Variants in SARAF observed in about 807,000 individuals in gnomAD.
The protein encoded by SARAF is store-operated calcium entry-associated regulatory factor.
SARAF carries 23 observed loss-of-function variants against 39.7 expected under a neutral mutation model. The observed-to-expected ratio is 0.58, with a 90% confidence interval of 0.42 to 0.82. The LOEUF (loss-of-function observed/expected upper bound fraction) is 0.82. Among genes scored for constraint, SARAF ranks in the 40% least tolerant of loss-of-function variants. The pLI, the probability that SARAF is intolerant of heterozygous loss-of-function variation, is 0.00. For missense variants in SARAF, 384 were observed against 418.5 expected (o/e 0.92, Z 0.72); for synonymous variants, 175 against 168.5 (o/e 1.04, Z -0.30).
In SARAF at chr8:30,069,987, A is replaced by G; in HGVS notation, c.355T>C (p.Ser119Pro). 1 of 1,613,912 alleles carries G rather than the reference A, an allele frequency of 6.2e-7. No homozygotes were observed. Among genetic ancestry groups the G allele is most frequent in the Non-Finnish European group, 8.5e-7 (1 of 1,179,994 alleles). Residue 119 changes from serine to proline, a missense_variant, in exon 3 of 6, where the codon TCC (serine) becomes CCC (proline). Ser to Pro is a moderately conservative substitution (Grantham distance 74). Transcript: ENST00000256255. ...KTVVSCEGYE[S>P]SEDQYVLRGS... ...CTTAGTACATACTGGTCTTCAGAGG[A>G]CTCATAGCCTTCACAGCTCACCACA...
At chr8:30,077,620 G>A (rs375977687) in intron 1 of SARAF, among the ~76,000 whole-genome samples, 54 of 151,966 alleles carry the variant, frequency 3.6e-4, no homozygotes, top group African/African-American at 9.7e-4. Context: ...TGGCGAACAC[G>A]GTGAAACCCC....
At chr8:30,064,016 T>C (rs1801615620) in intron 5 of SARAF, 103 bp from the exon 6 acceptor site, 4 of 1,050,470 alleles carry the variant, frequency 3.8e-6, no homozygotes, top group African/African-American at 1.6e-5. Context: ...ATGAATGAGA[T>C]AGGAGGAAAG....
At chr8:30,077,750 C>A (rs1306603916) in intron 1 of SARAF, among the ~76,000 whole-genome samples, 2 of 150,596 alleles carry the variant, frequency 1.3e-5, no homozygotes, top group African/African-American at 4.9e-5. Context: ...TGCAGTGAGC[C>A]AAGATTGTGC....
intron 5 of SARAF, among the ~76,000 whole-genome samples, chr8:30,064,367 A>G (rs1033089): frequency 0.98 from 148,561 of 151,632 alleles, 72,849 homozygotes; most frequent in Middle Eastern, 1. Context: ...AGGATGACAA[A>G]TCTTCCTATC....
intron 1 of SARAF, among the ~76,000 whole-genome samples, chr8:30,081,290 T>A (rs193126989): frequency 2.0e-5 from 3 of 152,356 alleles, no homozygotes; most frequent in South Asian, 4.1e-4. Flanking sequence ...TGGTTCATCT[T>A]TAATTTAAAT....
chr8:30,075,099 G>C (rs948664407), intron 1 of SARAF, among the ~76,000 whole-genome samples: 1 of 152,002 alleles, frequency 6.6e-6, no homozygotes, highest in African/African-American at 2.4e-5. Flanking sequence ...TCAGGAGTTC[G>C]AGACCAGCCT....
At chr8:30,069,002 C>A (rs1801760777) in intron 3 of SARAF, among the ~76,000 whole-genome samples, 1 of 151,806 alleles carries the variant, frequency 6.6e-6, no homozygotes. Context: ...ATTGTTTTAC[C>A]TTTTACGTTG....
At chr8:30,064,545 A>ATTTTTTTTT (rs1327312959) in intron 5 of SARAF, among the ~76,000 whole-genome samples, 1 of 32,970 alleles carries the variant, frequency 3.0e-5, no homozygotes, top group Non-Finnish European at 6.1e-5. Flanking sequence ...ATATATATAT[A>ATTTTTTTTT]TATATATATA....
At position 30,070,135 on chromosome 8, in the gene SARAF, C is replaced by T. The variant is rs1479972099; in HGVS notation, c.283-76G>A. 27 of 1,345,506 alleles carry T rather than the reference C, an allele frequency of 2.0e-5. No individual in the cohort carries two copies. The Admixed American group carries it at 2.6e-4, about 13-fold the overall frequency. The allele number at this position is 1,345,506 out of a possible 1,614,324, so 83.3% of individuals were successfully genotyped here. A position where few individuals can be genotyped will look rare whatever the true frequency, so the allele number is the denominator to read the frequency against. ...TAATATATGTTACTTGGGGGCCGGG[C>T]GCAGTGGCTCACACCTGTAATCTCA... On this transcript the variant is annotated intron_variant, in intron 2 of 5. Transcript: ENST00000256255.
At chr8:30,082,511 G>A (rs1480669490) in intron 1 of SARAF, 3 of 231,108 alleles carry the variant, frequency 1.3e-5, no homozygotes, top group Non-Finnish European at 2.6e-5. Flanking sequence ...TAACAACAAA[G>A]CAGATGCGCA....
Position 30,083,064 on chromosome 8 carries a change from G to C in SARAF, c.-115C>G, listed in dbSNP as rs1405889971. On this transcript the variant is annotated 5_prime_UTR_variant, in exon 1 of 6. Coordinates refer to ENST00000256255, the MANE Select transcript of SARAF (RefSeq NM_016127.6). ...CTACCCCTGGCGGCGGCGAAGGAAC[G>C]GCCCGACTGCAGAGCTGCAGCCGCA... 1.1e-5 allele frequency: 8 copies of C among 728,726 alleles called. No homozygotes were observed. The highest frequency in any genetic ancestry group is 3.5e-5 in the Admixed American group (1 of 28,628). The allele number at this position is 728,726 out of a possible 1,614,324, so 45.1% of individuals were successfully genotyped here.
At chr8:30,077,206 A>G (rs899740758) in intron 1 of SARAF, among the ~76,000 whole-genome samples, 1 of 152,226 alleles carries the variant, frequency 6.6e-6, no homozygotes, top group Non-Finnish European at 1.5e-5. Flanking sequence ...CTGTAATCCC[A>G]GCACTTTGGG....
intron 1 of SARAF, among the ~76,000 whole-genome samples, chr8:30,075,774 CA>C (rs1801944045): frequency 6.6e-6 from 1 of 151,944 alleles, no homozygotes; most frequent in Non-Finnish European, 1.5e-5. Context: ...TGCAGCCTCC[CA>C]AAATTCTACT....
chr8:30,075,374 G>C (rs1258670674), intron 1 of SARAF, among the ~76,000 whole-genome samples: 1 of 152,064 alleles, frequency 6.6e-6, no homozygotes, highest in Non-Finnish European at 1.5e-5. Context: ...ATCATGTTGT[G>C]GATTATTGAT....
chr8:30,068,780 G>A (rs938723967), intron 3 of SARAF, among the ~76,000 whole-genome samples: 5 of 151,978 alleles, frequency 3.3e-5, no homozygotes, highest in East Asian at 1.9e-4. Flanking sequence ...TATATATGCC[G>A]GAAATACGTT....
At chr8:30,071,844 T>C (rs1348451381) in intron 2 of SARAF, among the ~76,000 whole-genome samples, 1 of 152,170 alleles carries the variant, frequency 6.6e-6, no homozygotes, top group Non-Finnish European at 1.5e-5. Context: ...CTTTTATTTA[T>C]CGTTCATTAG....
Position 30,074,028 on chromosome 8 carries a change from G to A in SARAF, c.131C>T (p.Ala44Val), listed in dbSNP as rs1430910466. 6.2e-7 allele frequency: 1 copy of A among 1,613,798 alleles called. No individual in the cohort carries two copies. Among genetic ancestry groups the A allele is most frequent in the Non-Finnish European group, 8.5e-7 (1 of 1,179,864 alleles). Residue 44 changes from alanine to valine, a missense_variant, in exon 2 of 6, where the codon GCT (alanine) becomes GTT (valine). By Grantham distance (64) the Ala-to-Val change is moderately conservative. Transcript: ENST00000256255. The part of the protein sequence containing the change: ...PDRMLLRDVK[A>V]LTLHYDRYTT... ...ATAGCGGTCATAGTGGAGGGTAAGA[G>A]CTTTTACATCCCGCAGCAACATTCT...
At chr8:30,082,788 C>A in intron 1 of SARAF, 59 bp downstream of exon 1, 3 of 1,398,528 alleles carry the variant, frequency 2.1e-6, no homozygotes, top group Non-Finnish European at 2.9e-6. Context: ...GGAGCCTGCA[C>A]CGGCTGACGG....
At chr8:30,066,722 A>G in intron 4 of SARAF, 55 bp downstream of exon 4, 1 of 1,573,828 alleles carries the variant, frequency 6.4e-7, no homozygotes, top group Non-Finnish European at 8.6e-7. Flanking sequence ...TTAAATTGTA[A>G]GCAAAACAAG....
Sources: gnomAD v4.1 joint callset for allele counts (sites outside exome capture counted in the v4.1 genomes callset) on GRCh38, gnomAD v4.1.1 for gene constraint, MANE v1.5 for transcripts, NCBI Gene and HGNC (gene_info 2026-07-23, HGNC 2026-07-21) for gene names.